The following ZNF609 variants were observed in gnomAD, a reference collection of about 807,000 sequenced individuals.
ZNF609 encodes zinc finger protein 609.
ZNF609 carries 11 observed loss-of-function variants against 109.5 expected under a neutral mutation model. The observed-to-expected ratio is 0.10, with a 90% CI of 0.06 to 0.17. ZNF609 has a LOEUF of 0.17. ZNF609 is among the 10% of genes least tolerant of loss of function. The pLI is 1.00. For missense variants in ZNF609, 1,559 were observed against 1,772.4 expected (o/e 0.88, Z 2.16); for synonymous variants, 646 against 662.0 (o/e 0.98, Z 0.37).
At chr15:64,587,421 T>C (rs955317746) in intron 2 of ZNF609, among the ~76,000 whole-genome samples, 1 of 152,180 alleles carries the variant, frequency 6.6e-6, no homozygotes, top group Non-Finnish European at 1.5e-5. Context: ...ACATTTTTTT[T>C]CATAAATCCT....
At chr15:64,507,408 T>G (rs1595702109) in intron 2 of ZNF609, among the ~76,000 whole-genome samples, 1 of 152,226 alleles carries the variant, frequency 6.6e-6, no homozygotes, top group South Asian at 2.1e-4. Context: ...CTGCTGGCTG[T>G]CTGAGCCCTC....
At chr15:64,677,308 G>A (rs534417473) in intron 5 of ZNF609, among the ~76,000 whole-genome samples, 9 of 151,592 alleles carry the variant, frequency 5.9e-5, no homozygotes, top group South Asian at 4.2e-4. Context: ...AGCAATCCTC[G>A]CGCCTCAGCC....
At chr15:64,536,772 G>C (rs527903125) in intron 2 of ZNF609, among the ~76,000 whole-genome samples, 1 of 151,444 alleles carries the variant, frequency 6.6e-6, no homozygotes, top group African/African-American at 2.4e-5. Flanking sequence ...TGGCATGCAG[G>C]CCTGTCCCAT....
chr15:64,479,844 G>A (rs979588175), intron 1 of ZNF609, among the ~76,000 whole-genome samples: 4 of 151,876 alleles, frequency 2.6e-5, no homozygotes, highest in Non-Finnish European at 2.9e-5. Flanking sequence ...GCTTGAACCC[G>A]GGAGGCAGAG....
intron 2 of ZNF609, among the ~76,000 whole-genome samples, chr15:64,620,388 A>G (rs1226326994): frequency 1.3e-5 from 2 of 152,200 alleles, no homozygotes; most frequent in African/African-American, 2.4e-5. Context: ...AGTTTGTTCC[A>G]GCACTGCAGA....
intron 3 of ZNF609, chr15:64,631,735 G>C: frequency 4.4e-6 from 1 of 226,318 alleles, no homozygotes; most frequent in Non-Finnish European, 8.6e-6. Flanking sequence ...GTAGAGACGG[G>C]GTTTCTCCAT....
intron 2 of ZNF609, among the ~76,000 whole-genome samples, chr15:64,579,628 T>G (rs1309740317): frequency 1.3e-5 from 2 of 151,746 alleles, no homozygotes; most frequent in Non-Finnish European, 2.9e-5. Context: ...GAGAATCACT[T>G]AAGCCCAGGA....
intron 1 of ZNF609, among the ~76,000 whole-genome samples, chr15:64,475,097 C>CTT (rs56289189): frequency 3.2e-5 from 3 of 93,030 alleles, no homozygotes; most frequent in South Asian, 3.4e-4. Flanking sequence ...CCAGTTTATC[C>CTT]TTTTTTTTTT....
chr15:64,543,430 TTTTG>T (rs1428660225), intron 2 of ZNF609, among the ~76,000 whole-genome samples: 1 of 151,178 alleles, frequency 6.6e-6, no homozygotes, highest in Non-Finnish European at 1.5e-5. Context: ...TTCCCTGCCT[TTTTG>T]TTTGTTTTTT....
At chr15:64,583,177 C>A (rs1279972046) in intron 2 of ZNF609, among the ~76,000 whole-genome samples, 1 of 151,436 alleles carries the variant, frequency 6.6e-6, no homozygotes, top group East Asian at 2.0e-4. Context: ...GGATTACAGG[C>A]ACCCGCCACC....
intron 3 of ZNF609, 45 bp downstream of exon 3, chr15:64,623,097 T>C (rs532061301): frequency 2.5e-6 from 4 of 1,571,370 alleles, no homozygotes; most frequent in Admixed American, 3.4e-5. Flanking sequence ...AACCTGCTTC[T>C]GCAGGGGAGC....
chr15:64,471,049 G>A (rs1893083888), intron 1 of ZNF609, among the ~76,000 whole-genome samples: 1 of 152,080 alleles, frequency 6.6e-6, no homozygotes, highest in African/African-American at 2.4e-5. Flanking sequence ...AATGTTCACT[G>A]TTTTCAGATT....
chr15:64,674,083 G>A lies in ZNF609; in HGVS notation c.1229G>A (p.Arg410His), dbSNP rs752575621. ...CGGGCAGGAGCCAATAGCAAAGGCC[G>A]TCGGGGCAGCCAGAATTCTTCAGAG... The part of the protein sequence containing the change: ...KTRAGANSKG[R>H]RGSQNSSEHR... Residue 410 changes from arginine to histidine, a missense_variant, in exon 5 of 10, where the codon CGT becomes CAT. Arg to His is a conservative substitution (Grantham distance 29). Coordinates refer to ENST00000326648, the MANE Select transcript of ZNF609 (RefSeq NM_015042.2). The A allele has an allele frequency of 3.1e-6, 5 of 1,614,190 alleles. No homozygotes were observed. The highest frequency in any genetic ancestry group is 4.2e-6 in the Non-Finnish European group (5 of 1,180,036).
chr15:64,489,622 T>C (rs867797172), intron 1 of ZNF609, among the ~76,000 whole-genome samples: 2 of 145,498 alleles, frequency 1.4e-5, no homozygotes, highest in Middle Eastern at 4.0e-3. Context: ...TTCTGCCTCC[T>C]GGATTCAAGC....
At chr15:64,560,377 T>C (rs72742918) in intron 2 of ZNF609, among the ~76,000 whole-genome samples, 9,417 of 150,894 alleles carry the variant, frequency 0.062, 297 homozygotes, top group South Asian at 0.087. Context: ...TTTTTTTTTT[T>C]CCCCCCGCAG....
intron 2 of ZNF609, among the ~76,000 whole-genome samples, chr15:64,549,338 A>C (rs769565037): frequency 1.3e-5 from 2 of 151,986 alleles, no homozygotes; most frequent in Non-Finnish European, 2.9e-5. Flanking sequence ...TTACAGGTGC[A>C]CACCACCTCG....
At chr15:64,561,002 A>C (rs1416010330) in intron 2 of ZNF609, among the ~76,000 whole-genome samples, 2 of 152,304 alleles carry the variant, frequency 1.3e-5, no homozygotes, top group East Asian at 1.9e-4. Flanking sequence ...CAAGGCCCCA[A>C]ATTTCTACGT....
Position 64,484,744 on chromosome 15 carries a change from G to A in ZNF609, c.-127-14549G>A, listed in dbSNP as rs181935909. ...TAATCCCAGCACTTTGGGAGGCCGA[G>A]GCGGGCGGATCATGAGGTCATGAGA... On this transcript the variant is annotated intron_variant, in intron 1 of 9. Coordinates refer to ENST00000326648, the MANE Select transcript of ZNF609 (RefSeq NM_015042.2). Among the ~76,000 whole-genome samples, 450 of 148,706 alleles carry A rather than the reference G, an allele frequency of 3.0e-3. 4 individuals are homozygous for A. The highest frequency in any genetic ancestry group is 0.011 in the African/African-American group (427 of 40,206).
At chr15:64,465,953 T>C (rs1893007770) in intron 1 of ZNF609, among the ~76,000 whole-genome samples, 1 of 151,686 alleles carries the variant, frequency 6.6e-6, no homozygotes, top group Admixed American at 6.6e-5. Flanking sequence ...CCATCTCTAC[T>C]AATAATACAA....
Sources: allele counts gnomAD v4.1 joint callset (sites outside exome capture counted in the v4.1 genomes callset), GRCh38; gene constraint gnomAD v4.1.1; transcripts MANE v1.5; gene names NCBI Gene and HGNC (gene_info 2026-07-23, HGNC 2026-07-21).